The following NELL1 variants were observed in gnomAD, a reference collection of about 807,000 sequenced individuals.
The protein encoded by NELL1 is protein kinase C-binding protein NELL1.
A neutral mutation model predicts 107.4 loss-of-function variants in NELL1; 76 were observed. The ratio of observed to expected loss-of-function variants is 0.71; its 90% confidence interval spans 0.59 to 0.86. The LOEUF is 0.86. Among genes scored for constraint, NELL1 ranks in the 40% least tolerant of loss-of-function variants. The pLI is 0.00. For missense variants in NELL1, 1,024 were observed against 1,005.5 expected (o/e 1.02, Z -0.25); for synonymous variants, 353 against 341.2 (o/e 1.03, Z -0.38).
chr11:20,755,634 C>A (rs1342394148), intron 2 of NELL1, among the ~76,000 whole-genome samples: 1 of 149,924 alleles, frequency 6.7e-6, no homozygotes, highest in Non-Finnish European at 1.5e-5. Context: ...CAGCTCACTG[C>A]AACCTCTGTC....
intron 2 of NELL1, among the ~76,000 whole-genome samples, chr11:20,702,240 G>A (rs1464851183): frequency 1.3e-5 from 2 of 152,076 alleles, no homozygotes; most frequent in Non-Finnish European, 2.9e-5. Flanking sequence ...TTGTAAATTG[G>A]ATTCCTAGGT....
intron 4 of NELL1, among the ~76,000 whole-genome samples, chr11:20,884,296 A>G (rs1468260379): frequency 6.6e-6 from 1 of 152,220 alleles, no homozygotes; most frequent in East Asian, 1.9e-4. Context: ...CACCGGAGGA[A>G]TACATCGCCC....
intron 16 of NELL1, among the ~76,000 whole-genome samples, 185 bp downstream of exon 16, chr11:21,534,699 A>G (rs1856088763): frequency 6.6e-6 from 1 of 152,180 alleles, no homozygotes; most frequent in Admixed American, 6.6e-5. Context: ...GTGGGGTGCT[A>G]GAATTTTTAT....
chr11:21,188,539 T>G (rs543128429), intron 13 of NELL1, among the ~76,000 whole-genome samples: 87 of 151,968 alleles, frequency 5.7e-4, no homozygotes, highest in South Asian at 1.7e-3. Context: ...TTTACAACCC[T>G]TAAGTCCACA....
chr11:20,888,994 T>TA (rs1685706770), intron 5 of NELL1, among the ~76,000 whole-genome samples: 1 of 152,230 alleles, frequency 6.6e-6, no homozygotes, highest in African/African-American at 2.4e-5. Flanking sequence ...TCACATTTGC[T>TA]AATGTTTTAT....
At chr11:21,252,943 T>A (rs1341788642) in intron 14 of NELL1, among the ~76,000 whole-genome samples, 1 of 152,104 alleles carries the variant, frequency 6.6e-6, no homozygotes, top group African/African-American at 2.4e-5. Flanking sequence ...GGTCTTGGAG[T>A]GTACAACTGC....
chr11:20,880,372 C>T (rs1343265729), intron 4 of NELL1, among the ~76,000 whole-genome samples: 1 of 152,162 alleles, frequency 6.6e-6, no homozygotes, highest in Non-Finnish European at 1.5e-5. Context: ...AGACTAAGTG[C>T]CAAGGGCATG....
At chr11:21,195,220 A>C (rs1460170461) in intron 13 of NELL1, among the ~76,000 whole-genome samples, 1 of 152,170 alleles carries the variant, frequency 6.6e-6, no homozygotes, top group Non-Finnish European at 1.5e-5. Flanking sequence ...TATTATTCCC[A>C]TATGAGAATA....
chr11:21,481,196 G>A (rs1306432757), intron 15 of NELL1, among the ~76,000 whole-genome samples: 2 of 152,142 alleles, frequency 1.3e-5, no homozygotes, highest in Non-Finnish European at 2.9e-5. Context: ...TAATGTGAAT[G>A]ACCCACAGGT....
intron 15 of NELL1, among the ~76,000 whole-genome samples, chr11:21,483,248 C>T (rs1017200253): frequency 1.1e-4 from 17 of 152,148 alleles, no homozygotes; most frequent in African/African-American, 3.9e-4. Context: ...TTAAGCACTT[C>T]AATTGCTCAA....
intron 14 of NELL1, among the ~76,000 whole-genome samples, chr11:21,304,603 G>A (rs1460919345): frequency 6.6e-6 from 1 of 151,388 alleles, no homozygotes; most frequent in Admixed American, 6.6e-5. Context: ...TTAAAGCATA[G>A]GAGTCTACAG....
At chr11:21,335,283 A>C (rs1850366049) in intron 14 of NELL1, among the ~76,000 whole-genome samples, 1 of 152,092 alleles carries the variant, frequency 6.6e-6, no homozygotes, top group Non-Finnish European at 1.5e-5. Flanking sequence ...CAAGAGCTAG[A>C]AAAGGACAAA....
Position 20,943,478 on chromosome 11 carries a change from G to C in NELL1, c.1072-3858G>C, listed in dbSNP as rs188713661. 4.1e-3 allele frequency among the ~76,000 whole-genome samples: 629 copies of C among 152,136 alleles called. 6 individuals carry two copies. The highest frequency in any genetic ancestry group is 0.014 in the African/African-American group (586 of 41,508). On this transcript the variant is annotated intron_variant, in intron 10 of 19. Coordinates refer to ENST00000357134, the MANE Select transcript of NELL1 (RefSeq NM_006157.5). ...CATGCCTGTAATCCCAGCTACTTGG[G>C]AGGCTGAGGCAGGGGAATCGCTTGA...
intron 13 of NELL1, among the ~76,000 whole-genome samples, chr11:21,120,039 T>A (rs1200943646): frequency 1.3e-5 from 2 of 152,122 alleles, no homozygotes; most frequent in African/African-American, 4.8e-5. Context: ...ACAAGTGAGA[T>A]AACAAATATC....
intron 12 of NELL1, among the ~76,000 whole-genome samples, chr11:20,986,957 T>A (rs1851866392): frequency 1.3e-5 from 2 of 152,214 alleles, no homozygotes; most frequent in Admixed American, 1.3e-4. Context: ...TATTTGTTAT[T>A]ATTTAACTGG....
intron 5 of NELL1, among the ~76,000 whole-genome samples, chr11:20,914,775 A>T (rs901579517): frequency 7.2e-5 from 11 of 152,006 alleles, no homozygotes; most frequent in Non-Finnish European, 4.4e-5. Flanking sequence ...TAGAAAAGCT[A>T]CTTAGAGTAT....
chr11:20,947,537 ACT>A (rs1850989151), intron 11 of NELL1, 102 bp downstream of exon 11: 1 of 828,326 alleles, frequency 1.2e-6, no homozygotes, highest in Non-Finnish European at 2.1e-6. Flanking sequence ...TGGGTCCAAA[ACT>A]CTGTGCGCTG....
At chr11:20,938,908 G>GTCTCTGTCTC (rs1554947414) in intron 10 of NELL1, among the ~76,000 whole-genome samples, 1 of 144,540 alleles carries the variant, frequency 6.9e-6, no homozygotes, top group African/African-American at 2.6e-5. Flanking sequence ...TTCTCTCTCT[G>GTCTCTGTCTC]TCTCTCTCTC....
intron 15 of NELL1, among the ~76,000 whole-genome samples, chr11:21,506,464 T>G (rs11601284): frequency 0.16 from 24,968 of 152,094 alleles, 2,146 homozygotes; most frequent in Non-Finnish European, 0.19. Context: ...GCTCTTTAGT[T>G]GGAGCTGTCT....
Sources: allele counts gnomAD v4.1 joint callset (sites outside exome capture counted in the v4.1 genomes callset), GRCh38; gene constraint gnomAD v4.1.1; transcripts MANE v1.5; gene names NCBI Gene and HGNC (gene_info 2026-07-23, HGNC 2026-07-21).